PFKFB3: variants seen among roughly 807,000 people sequenced by gnomAD.
PFKFB3 encodes 6-phosphofructo-2-kinase/fructose-2,6-bisphosphatase 3.
Under a neutral mutation model 68.0 loss-of-function variants are expected in PFKFB3, and 33 were observed. The observed-to-expected ratio is 0.49, with a 90% CI of 0.37 to 0.65. The LOEUF is 0.65. PFKFB3 is among the 30% of genes least tolerant of loss of function. The pLI is 0.00. For missense variants in PFKFB3, 586 were observed against 712.2 expected (o/e 0.82, Z 2.02); for synonymous variants, 315 against 288.2 (o/e 1.09, Z -0.94).
intron 14 of PFKFB3, among the ~76,000 whole-genome samples, chr10:6,230,671 G>T (rs983265949): frequency 6.6e-6 from 1 of 151,836 alleles, no homozygotes; most frequent in African/African-American, 2.4e-5. Context: ...GGAACACCCA[G>T]ACTTGGGGAG....
chr10:6,254,808 CTT>C (rs144888417), downstream of PFKFB3, among the ~76,000 whole-genome samples: 102 of 61,620 alleles, frequency 1.7e-3, no homozygotes, highest in African/African-American at 6.8e-3. Context: ...TTTTTCTGTT[CTT>C]TTTTTTTTTT....
the PFKFB3 span, among the ~76,000 whole-genome samples, chr10:6,278,602 C>G: frequency 6.6e-6 from 1 of 152,114 alleles, no homozygotes; most frequent in African/African-American, 2.4e-5. Flanking sequence ...AACCAGTTAT[C>G]CCCTGAAGAC....
At chr10:6,313,187 A>G in the PFKFB3 span, among the ~76,000 whole-genome samples, 3 of 152,250 alleles carry the variant, frequency 2.0e-5, no homozygotes, top group Non-Finnish European at 2.9e-5. The surrounding 1 kb of genome is among the most constrained non-coding windows in gnomAD (Gnocchi z 4.2). Context: ...ACATGATTTC[A>G]TAGCTGCCTA....
intron 1 of PFKFB3, chr10:6,146,470 C>G: frequency 6.5e-7 from 1 of 1,535,670 alleles, no homozygotes; most frequent in Non-Finnish European, 8.7e-7. Context: ...CCCAAGGCCA[C>G]TGTCTTCGGT....
chr10:6,260,596 A>G, the PFKFB3 span, among the ~76,000 whole-genome samples: 55 of 152,196 alleles, frequency 3.6e-4, no homozygotes, highest in Middle Eastern at 3.4e-3. Context: ...CCCAAGTGCT[A>G]TAGTTTTCTT....
chr10:6,219,813 T>C, intron 7 of PFKFB3, 120 bp downstream of exon 7: 1 of 1,043,098 alleles, frequency 9.6e-7, no homozygotes, highest in Non-Finnish European at 1.4e-6. Context: ...AAGACAGTTT[T>C]TTTTGTAGAG....
chr10:6,224,089 C>T, intron 12 of PFKFB3, 60 bp from the exon 13 acceptor site: 1 of 1,611,664 alleles, frequency 6.2e-7, no homozygotes, highest in Non-Finnish European at 8.5e-7. Context: ...TGGCCGTGGG[C>T]TGTAAGCGGT....
chr10:6,290,565 C>T, the PFKFB3 span, among the ~76,000 whole-genome samples: 1 of 145,678 alleles, frequency 6.9e-6, no homozygotes, highest in African/African-American at 2.5e-5. Flanking sequence ...GTGGTGCGAT[C>T]TCAGCTCACT....
chr10:6,166,259 G>T (rs1015439928), intron 1 of PFKFB3, among the ~76,000 whole-genome samples: 1 of 152,052 alleles, frequency 6.6e-6, no homozygotes, highest in Non-Finnish European at 1.5e-5. Flanking sequence ...TGGGATTAAG[G>T]TGTGAGCTAC....
chr10:6,231,299 TTA>T (rs1166284814), intron 14 of PFKFB3: 1 of 1,612,382 alleles, frequency 6.2e-7, no homozygotes, highest in Admixed American at 1.7e-5. Flanking sequence ...AGTTTTCTCC[TTA>T]CTAACTGTGG....
chr10:6,228,411 T>C lies in PFKFB3; in HGVS notation c.1515+2046T>C. ...TGTTTTTGGAAAAGCGTGCAGGCGG[T>C]CATGGTGGCTGCACTACTGTTGGGT... On this transcript the variant is annotated intron_variant, in intron 14 of 14. Coordinates refer to ENST00000379775, the MANE Select transcript of PFKFB3 (RefSeq NM_004566.4). The surrounding 1 kb of genome is among the most constrained non-coding windows in gnomAD (Gnocchi z 4.5). The C allele has an allele frequency of 4.5e-6, 3 of 662,356 alleles. No homozygotes were observed. Among genetic ancestry groups the C allele is most frequent in the South Asian group, 1.7e-5 (1 of 58,488 alleles). 41.0% of individuals were successfully genotyped at this position (662,356 alleles called of 1,614,324 possible).
At chr10:6,177,438 C>CTTTTCTTTCTTTCTT (rs1554842946) in intron 1 of PFKFB3, among the ~76,000 whole-genome samples, 9 of 86,630 alleles carry the variant, frequency 1.0e-4, no homozygotes, top group Non-Finnish European at 1.8e-4. Context: ...TCTTTTCTTT[C>CTTTTCTTTCTTTCTT]TCTTTCTTTC....
rs200114538 is a variant in PFKFB3 at position 6,178,528 on chromosome 10, CA to C, written c.16+33516del. 7.4e-3 allele frequency among the ~76,000 whole-genome samples: 1,124 copies of C among 151,454 alleles called. 9 individuals carry two copies. The highest frequency in any genetic ancestry group is 0.011 in the Non-Finnish European group (740 of 67,852). Reference sequence around the variant, plus strand: ...GAGGGGACTTGGGTCAGGGTCACAACAGGGAGGTGAAGCCACTGACCCGGAG... The same window carrying C: ...GAGGGGACTTGGGTCAGGGTCACAACGGGAGGTGAAGCCACTGACCCGGAG... On this transcript the variant is annotated intron_variant, in intron 1 of 14. Transcript: ENST00000379789.
downstream of PFKFB3, among the ~76,000 whole-genome samples, chr10:6,258,231 A>C (rs75508729): frequency 0.013 from 1,909 of 152,334 alleles, 40 homozygotes; most frequent in African/African-American, 0.043. Flanking sequence ...TACAGAAAAA[A>C]GTCTGGGAGG....
chr10:6,249,208 AGAAAAGGAAACCCTTGTACAC>A (rs1846325409), intron 14 of PFKFB3, among the ~76,000 whole-genome samples: 1 of 151,338 alleles, frequency 6.6e-6, no homozygotes, highest in South Asian at 2.1e-4. Context: ...AAAAAAGAAA[AGAAAAGGAAACCCTTGTACAC>A]TGTTGGTGGG....
intron 13 of PFKFB3, 41 bp downstream of exon 13, chr10:6,224,254 CGA>C: frequency 6.3e-7 from 1 of 1,592,580 alleles, no homozygotes; most frequent in African/African-American, 1.3e-5. Flanking sequence ...CATCATCACA[CGA>C]TAGCCCTAGT....
chr10:6,177,047 G>T (rs12359393), intron 1 of PFKFB3, among the ~76,000 whole-genome samples: 28,439 of 152,122 alleles, frequency 0.19, 3,319 homozygotes, highest in South Asian at 0.38. Context: ...ACTGGGGCCT[G>T]ATTTCCCAGG....
chr10:6,145,016 A>C, intron 1 of PFKFB3: 3 of 1,337,808 alleles, frequency 2.2e-6, no homozygotes, highest in Non-Finnish European at 2.9e-6. Context: ...CAGGAAAGGT[A>C]GGAGTCCCGG....
intron 1 of PFKFB3, among the ~76,000 whole-genome samples, chr10:6,193,306 G>A (rs1285300265): frequency 1.3e-5 from 2 of 152,216 alleles, no homozygotes; most frequent in African/African-American, 4.8e-5. Context: ...GAGTTTGTGT[G>A]ATTGCACCAC....
Sources: allele counts gnomAD v4.1 joint callset (sites outside exome capture counted in the v4.1 genomes callset), GRCh38; gene constraint gnomAD v4.1.1; non-coding constraint Gnocchi (gnomAD v3.1); transcripts MANE v1.5; gene names NCBI Gene and HGNC (gene_info 2026-07-23, HGNC 2026-07-21).